Variants in PDE10A observed in about 807,000 individuals in gnomAD.
PDE10A encodes phosphodiesterase 10A.
Under a neutral mutation model 97.7 loss-of-function variants are expected in PDE10A, and 39 were observed. The ratio of observed to expected loss-of-function variants is 0.40; its 90% CI spans 0.31 to 0.52. The LOEUF is 0.52. Among genes scored for constraint, PDE10A ranks in the 20% least tolerant of loss-of-function variants. PDE10A has a pLI of 0.56. For synonymous variants in PDE10A, 371 were observed against 376.8 expected (o/e 0.98, Z 0.18); for missense variants, 731 against 1,047.8 (o/e 0.70, Z 4.17).
chr6:165,393,950 C>A (rs1384021080), intron 15 of PDE10A, among the ~76,000 whole-genome samples: 1 of 152,132 alleles, frequency 6.6e-6, no homozygotes, highest in African/African-American at 2.4e-5. Flanking sequence ...AAATTACTGA[C>A]AAAGTATCAC....
At chr6:165,440,172 A>G (rs1217240161) in intron 5 of PDE10A, among the ~76,000 whole-genome samples, 2 of 152,196 alleles carry the variant, frequency 1.3e-5, no homozygotes, top group Non-Finnish European at 2.9e-5. Context: ...TAGCTCCCAC[A>G]TTTACCTGGA....
chr6:165,411,573 CCA>C (rs1371006088), intron 13 of PDE10A, among the ~76,000 whole-genome samples: 3 of 152,194 alleles, frequency 2.0e-5, no homozygotes, highest in South Asian at 2.1e-4. Flanking sequence ...GTTGTTTAAG[CCA>C]CACAGTCTGT....
intron 1 of PDE10A, among the ~76,000 whole-genome samples, chr6:165,761,540 T>G (rs1317303754): frequency 1.3e-5 from 2 of 152,316 alleles, no homozygotes; most frequent in East Asian, 1.9e-4. Flanking sequence ...GAAGCCTGGC[T>G]TTTTCTTTAA....
chr6:165,433,917 T>C (rs1201632020), intron 6 of PDE10A, among the ~76,000 whole-genome samples: 3 of 147,558 alleles, frequency 2.0e-5, no homozygotes, highest in Non-Finnish European at 3.0e-5. Flanking sequence ...TTCGGGAGCC[T>C]GAGGCAGGAG....
intron 1 of PDE10A, among the ~76,000 whole-genome samples, chr6:165,784,610 T>C (rs1179126723): frequency 1.3e-5 from 2 of 152,242 alleles, no homozygotes; most frequent in Non-Finnish European, 2.9e-5. Context: ...TCCCTTCTGA[T>C]GGACAGCCGG....
At chr6:165,968,378 G>A (rs114291261) in intron 1 of PDE10A, among the ~76,000 whole-genome samples, 2,643 of 152,274 alleles carry the variant, frequency 0.017, 80 homozygotes, top group African/African-American at 0.059. Flanking sequence ...CAAGCAGCTC[G>A]CCTTAGTACC....
In PDE10A at chr6:165,649,576, C is replaced by T. The variant is rs749253461; in HGVS notation, c.865+12371G>A. Among the ~76,000 whole-genome samples the T allele has an allele frequency of 7.9e-5, 12 of 152,130 alleles. No individual in the cohort carries two copies. In the South Asian group the frequency reaches 1.7e-3, roughly 21 times the overall value. ...AGTTCTGGTCAGCCTAGACCCCTAG[C>T]CCCGGTATACAGCAGCTCCCACTCT... On this transcript the variant is annotated intron_variant, in intron 1 of 21. Coordinates refer to ENST00000539869, the MANE Select transcript of PDE10A (RefSeq NM_001385079.1).
intron 1 of PDE10A, among the ~76,000 whole-genome samples, chr6:165,957,780 T>C (rs962275833): frequency 6.6e-6 from 1 of 152,174 alleles, no homozygotes; most frequent in Non-Finnish European, 1.5e-5. Context: ...GAGGCAGAAA[T>C]GTTCAGACAT....
chr6:165,644,444 A>G (rs1320935694), intron 1 of PDE10A, among the ~76,000 whole-genome samples: 10 of 152,196 alleles, frequency 6.6e-5, no homozygotes, highest in African/African-American at 2.4e-4. Context: ...GGGTGTGCCC[A>G]TAGGAAGCAG....
chr6:165,861,729 G>T lies in PDE10A; in HGVS notation c.-615+125800C>A, dbSNP rs12214746. Among the ~76,000 whole-genome samples the T allele has an allele frequency of 5.3e-3, 802 of 152,160 alleles. 2 individuals are homozygous for T. Among genetic ancestry groups the T allele is most frequent in the Non-Finnish European group, 8.6e-3 (583 of 67,980 alleles). On this transcript the variant is annotated intron_variant, in intron 1 of 19. Coordinates refer to the PDE10A transcript ENST00000366882. ...GGAGTGACGGGTTGGCATGGGAGCC[G>T]AGGGGCTGCGAGAAGTTAGGGGATC... is the stretch of plus-strand genomic sequence containing the variant.
intron 2 of PDE10A, among the ~76,000 whole-genome samples, chr6:165,517,304 A>G (rs1781868847): frequency 6.6e-6 from 1 of 152,190 alleles, no homozygotes; most frequent in Non-Finnish European, 1.5e-5. Context: ...TAGACTCAAA[A>G]GACTCACAGT....
chr6:165,526,780 CTT>C (rs1782473532), intron 2 of PDE10A, among the ~76,000 whole-genome samples: 1 of 152,200 alleles, frequency 6.6e-6, no homozygotes, highest in East Asian at 1.9e-4. Context: ...TAGCAAATGC[CTT>C]TTTCTCCATT....
At chr6:165,939,011 A>C (rs1161194700) in intron 1 of PDE10A, among the ~76,000 whole-genome samples, 2 of 152,254 alleles carry the variant, frequency 1.3e-5, no homozygotes, top group African/African-American at 2.4e-5. Flanking sequence ...GCTGAATAAA[A>C]TATGGTGTTG....
chr6:165,910,354 C>T (rs1051929601), intron 1 of PDE10A, among the ~76,000 whole-genome samples: 1 of 152,186 alleles, frequency 6.6e-6, no homozygotes, highest in African/African-American at 2.4e-5. Context: ...CCCTGACGAA[C>T]AGATGGGAAT....
At chr6:165,511,849 G>A (rs9459429) in intron 2 of PDE10A, among the ~76,000 whole-genome samples, 1 of 151,798 alleles carries the variant, frequency 6.6e-6, no homozygotes, top group African/African-American at 2.4e-5. Context: ...GCTAGCTTTT[G>A]GTTTCTATTT....
intron 3 of PDE10A, among the ~76,000 whole-genome samples, chr6:165,477,578 G>C (rs1201163616): frequency 6.6e-6 from 1 of 152,174 alleles, no homozygotes; most frequent in Non-Finnish European, 1.5e-5. Flanking sequence ...AGATACAGTA[G>C]TTTCAAAAGT....
chr6:165,337,136 G>A (rs1249880120), intron 20 of PDE10A, among the ~76,000 whole-genome samples: 1 of 152,008 alleles, frequency 6.6e-6, no homozygotes, highest in Non-Finnish European at 1.5e-5. Context: ...TTAAAAATCT[G>A]TAGTATTTTA....
At chr6:165,482,224 T>C (rs1779645665) in intron 3 of PDE10A, 91 bp downstream of exon 3, 3 of 891,472 alleles carry the variant, frequency 3.4e-6, no homozygotes, top group Admixed American at 1.8e-5. Context: ...ATAATCTTTC[T>C]GATACTTTAA....
intron 20 of PDE10A, among the ~76,000 whole-genome samples, chr6:165,338,597 ATT>A (rs1040175564): frequency 1.3e-5 from 2 of 152,222 alleles, no homozygotes; most frequent in African/African-American, 4.8e-5. Context: ...ACTAAGCATT[ATT>A]TGTCAGAAAA....
Sources: allele counts gnomAD v4.1 joint callset (sites outside exome capture counted in the v4.1 genomes callset), GRCh38; gene constraint gnomAD v4.1.1; transcripts MANE v1.5; gene names NCBI Gene and HGNC (gene_info 2026-07-23, HGNC 2026-07-21).